NCAM2: variants seen among roughly 807,000 people sequenced by gnomAD.
NCAM2 encodes N-CAM-2.
Under a neutral mutation model 98.1 loss-of-function variants are expected in NCAM2, and 30 were observed. The ratio of observed to expected loss-of-function variants is 0.31; its 90% CI spans 0.23 to 0.41. The LOEUF is 0.41. NCAM2 is among the 10% of genes least tolerant of loss of function. The pLI, the probability that NCAM2 is intolerant of heterozygous loss-of-function variation, is 1.00. For synonymous variants in NCAM2, 368 were observed against 342.4 expected, an observed-to-expected ratio of 1.07 and a Z score of -0.83; for missense variants, 867 against 1,005.8, an observed-to-expected ratio of 0.86 and a Z score of 1.87.
chr21:21,236,123 G>A (rs2070810206), intron 1 of NCAM2, among the ~76,000 whole-genome samples: 1 of 151,512 alleles, frequency 6.6e-6, no homozygotes, highest in Non-Finnish European at 1.5e-5. Context: ...CATCTCTGAT[G>A]AAATTTTACC....
intron 5 of NCAM2, among the ~76,000 whole-genome samples, chr21:21,304,119 A>C (rs765883104): frequency 1.3e-5 from 2 of 152,024 alleles, no homozygotes; most frequent in Non-Finnish European, 2.9e-5. Flanking sequence ...GATGAGGTTT[A>C]ATTTTTCTTT....
At chr21:21,048,912 A>T (rs561390478) in intron 1 of NCAM2, among the ~76,000 whole-genome samples, 3 of 152,232 alleles carry the variant, frequency 2.0e-5, no homozygotes, top group African/African-American at 7.2e-5. Context: ...TAGATTTCTC[A>T]TACAGTTTGT....
chr21:21,018,850 G>GGAC, intron 1 of NCAM2, among the ~76,000 whole-genome samples: 1 of 151,810 alleles, frequency 6.6e-6, no homozygotes, highest in Non-Finnish European at 1.5e-5. Flanking sequence ...TATTTAGAGA[G>GGAC]CTTTCCTTTT....
rs780357604 is a variant in NCAM2, at chr21:21,373,934, G to A, written c.1116G>A (p.Leu372=). The A allele has an allele frequency of 3.1e-6, 5 of 1,611,148 alleles. No individual in the cohort carries two copies. Among genetic ancestry groups the A allele is most frequent in the Admixed American group, 3.4e-5 (2 of 59,664 alleles). Residue 372 remains leucine, a synonymous_variant, in exon 9 of 18, where the codon TTG becomes TTA. Coordinates refer to ENST00000400546, the MANE Select transcript of NCAM2 (RefSeq NM_004540.5). ...SSSLHIKDVK[L]SDSGRYDCEA... The stretch of plus-strand genomic sequence containing the variant: ...CACTGCATATTAAAGATGTGAAGTT[G>A]TCAGATTCAGGGAGATATGACTGTG...
intron 1 of NCAM2, among the ~76,000 whole-genome samples, chr21:21,169,730 C>G (rs746767820): frequency 3.3e-5 from 5 of 152,110 alleles, no homozygotes; most frequent in Non-Finnish European, 5.9e-5. Context: ...TGGAGGATAA[C>G]TGGAGCCCAA....
chr21:21,500,783 A>C (rs1340300128), intron 15 of NCAM2, among the ~76,000 whole-genome samples: 1 of 152,074 alleles, frequency 6.6e-6, no homozygotes, highest in Admixed American at 6.6e-5. Flanking sequence ...TTAACATGTA[A>C]GGTCTTCCCT....
At chr21:21,366,959 T>G (rs1568985414) in intron 8 of NCAM2, among the ~76,000 whole-genome samples, 2 of 152,034 alleles carry the variant, frequency 1.3e-5, no homozygotes, top group Non-Finnish European at 2.9e-5. Context: ...AACAATGCAG[T>G]CAATACTTAC....
chr21:21,422,612 G>A (rs2077133117), intron 11 of NCAM2, among the ~76,000 whole-genome samples: 1 of 151,948 alleles, frequency 6.6e-6, no homozygotes, highest in Non-Finnish European at 1.5e-5. Flanking sequence ...AGAACATTGG[G>A]GGGAAAAAGT....
intron 9 of NCAM2, among the ~76,000 whole-genome samples, chr21:21,388,455 A>G (rs2076315277): frequency 6.6e-6 from 1 of 152,178 alleles, no homozygotes; most frequent in South Asian, 2.1e-4. Context: ...GAAATTCAAG[A>G]GGCAGCGCAG....
chr21:21,202,408 CTTTTTT>C (rs11385750), intron 1 of NCAM2, among the ~76,000 whole-genome samples: 14 of 80,196 alleles, frequency 1.7e-4, no homozygotes, highest in African/African-American at 6.1e-4. Flanking sequence ...AGCAAATATC[CTTTTTT>C]TTTTTTTTTT....
chr21:21,147,841 TTATA>T (rs1268291746), intron 1 of NCAM2, among the ~76,000 whole-genome samples: 2 of 150,600 alleles, frequency 1.3e-5, no homozygotes, highest in African/African-American at 4.9e-5. Context: ...AATACCCTAT[TTATA>T]TAGGATATTT....
chr21:21,426,461 C>A (rs1174011270), intron 11 of NCAM2, among the ~76,000 whole-genome samples: 1 of 152,076 alleles, frequency 6.6e-6, no homozygotes, highest in Non-Finnish European at 1.5e-5. Context: ...TGATAAAGAA[C>A]AAGCTGGTTA....
intron 8 of NCAM2, among the ~76,000 whole-genome samples, chr21:21,372,750 C>T (rs1238120180): frequency 2.0e-5 from 3 of 151,730 alleles, no homozygotes; most frequent in African/African-American, 7.3e-5. Flanking sequence ...GGCACAGTGT[C>T]TGTTTTTCCA....
chr21:21,146,477 C>G (rs1294363940), intron 1 of NCAM2, among the ~76,000 whole-genome samples: 1 of 146,610 alleles, frequency 6.8e-6, no homozygotes, highest in African/African-American at 2.5e-5. Context: ...GAAACAGAAC[C>G]AATATATACT....
chr21:21,509,024 A>G lies in NCAM2; in HGVS notation c.2251A>G (p.Lys751Glu), dbSNP rs906505917. 6.2e-7 allele frequency: 1 copy of G among 1,613,570 alleles called. No homozygotes were observed. Residue 751 changes from lysine (K) to glutamate (E), a missense_variant, in exon 16 of 18, where the codon AAA becomes GAA. Transcript: ENST00000400546. Reference sequence around the variant, plus strand: ...GAAAAGTGGCTCCAGTGGCAAAAGTAAAGAACTCGAAGAAGGAAAAGCTGC... The same window carrying G: ...GAAAAGTGGCTCCAGTGGCAAAAGTGAAGAACTCGAAGAAGGAAAAGCTGC... ...GKKSGSSGKS[K>E]ELEEGKAAYL...
rs561811981 is a variant in NCAM2, at chr21:21,427,966, G to A, written c.1481-4142G>A. Among the ~76,000 whole-genome samples, 11 of 152,240 alleles carry A rather than the reference G, an allele frequency of 7.2e-5. No individual in the cohort carries two copies. In the South Asian group the frequency reaches 1.5e-3, roughly 20 times the overall value. On this transcript the variant is annotated intron_variant, in intron 11 of 17. Transcript: ENST00000400546. ...GATATTTCCAACAACACTCGCCGTC[G>A]TACTATTCTAATCTCCATTTGAGAG... is the stretch of plus-strand genomic sequence containing the variant.
chr21:21,168,793 G>T (rs901271523), intron 1 of NCAM2, among the ~76,000 whole-genome samples: 5 of 152,050 alleles, frequency 3.3e-5, no homozygotes, highest in African/African-American at 9.7e-5. Context: ...TATCAAAGAA[G>T]AACTAAATAA....
chr21:21,373,624 C>CT (rs1215431791), intron 8 of NCAM2, among the ~76,000 whole-genome samples: 1 of 151,584 alleles, frequency 6.6e-6, no homozygotes, highest in East Asian at 1.9e-4. Context: ...CATTGAAATG[C>CT]TTTTTATCAT....
At chr21:21,043,622 G>A (rs1343484930) in intron 1 of NCAM2, among the ~76,000 whole-genome samples, 1 of 151,722 alleles carries the variant, frequency 6.6e-6, no homozygotes. Flanking sequence ...GAAAGTATAG[G>A]TGGGCGGGTC....
Sources: allele counts gnomAD v4.1 joint callset (sites outside exome capture counted in the v4.1 genomes callset), GRCh38; gene constraint gnomAD v4.1.1; transcripts MANE v1.5; gene names NCBI Gene and HGNC (gene_info 2026-07-23, HGNC 2026-07-21).